Variants in CIITA observed in about 807,000 individuals in gnomAD.
The protein encoded by CIITA is MHC class II transactivator.
In CIITA, 72 loss-of-function variants were observed where a neutral mutation model predicts 115.1. That is an observed-to-expected ratio of 0.63 (90% CI 0.52 to 0.76). The LOEUF (loss-of-function observed/expected upper bound fraction) is 0.76. Among genes scored for constraint, CIITA ranks in the 30% least tolerant of loss-of-function variants. The pLI is 0.00. For missense variants in CIITA, 1,617 were observed against 1,463.8 expected (o/e 1.10, Z -1.71); for synonymous variants, 763 against 635.6 (o/e 1.20, Z -3.02).
intron 17 of CIITA, 23 bp from the exon 18 acceptor site, chr16:10,922,384 C>T: frequency 6.2e-7 from 1 of 1,614,140 alleles, no homozygotes; most frequent in Non-Finnish European, 8.5e-7. Flanking sequence ...GGGCCAGGCC[C>T]CAAGGTGAGT....
Position 10,902,170 on chromosome 16 carries a change from C to A in CIITA, c.614C>A (p.Thr205Asn), listed in dbSNP as rs200545141. Residue 205 changes from threonine (T) to asparagine (N), a missense_variant, in exon 7 of 20, where the codon ACC (threonine) becomes AAC (asparagine). Thr to Asn is a moderately conservative substitution (Grantham distance 65). Transcript: ENST00000324288. ...PASGQMRLEK[T>N]DQIPMPFSSS... is the part of the protein sequence containing the mutation. Reference sequence around the variant, plus strand: ...TCCGGCCAGATGCGCCTGGAGAAAACCGACCAGATTCCCAGTATGTTAGGG... The same window carrying A: ...TCCGGCCAGATGCGCCTGGAGAAAAACGACCAGATTCCCAGTATGTTAGGG... The A allele has an allele frequency of 1.5e-4, 240 of 1,614,054 alleles. No homozygotes were observed. Among genetic ancestry groups the A allele is most frequent in the Admixed American group, 2.0e-4 (12 of 60,010 alleles).
downstream of CIITA, chr16:10,936,573 T>C (rs1336797060): frequency 6.6e-6 from 1 of 152,268 alleles, no homozygotes; most frequent in Non-Finnish European, 1.5e-5. Context: ...GCAACTTTTC[T>C]GTAAGTGTGA....
At chr16:10,921,196 T>C (rs548302274) in intron 16 of CIITA, among the ~76,000 whole-genome samples, 4 of 152,380 alleles carry the variant, frequency 2.6e-5, no homozygotes, top group Admixed American at 2.6e-4. Context: ...AAGGGAGTTC[T>C]GAGGCTGAAT....
intron 8 of CIITA, among the ~76,000 whole-genome samples, chr16:10,903,388 GT>G (rs1365541248): frequency 6.6e-6 from 1 of 152,192 alleles, no homozygotes; most frequent in Non-Finnish European, 1.5e-5. Context: ...GACAGTTTCA[GT>G]ATAACGCACT....
upstream of CIITA, among the ~76,000 whole-genome samples, chr16:10,874,187 T>C (rs1235523847): frequency 6.6e-6 from 1 of 152,182 alleles, no homozygotes; most frequent in Non-Finnish European, 1.5e-5. Context: ...TTTCACCATG[T>C]TGGCCAGGCT....
intron 1 of CIITA, among the ~76,000 whole-genome samples, chr16:10,894,054 G>A (rs1262407569): frequency 9.9e-5 from 15 of 151,950 alleles, no homozygotes; most frequent in Admixed American, 9.8e-4. Context: ...CTTTTGCTAT[G>A]TTGCCCAGGC....
chr16:10,879,233 C>T lies in CIITA; in HGVS notation c.52+1851C>T, dbSNP rs2036157926. ...ACGACTCTGCGCGGGAACCAGGAGC[C>T]GGGAACCCGGAGCTTGGCTTGCTGT... On this transcript the variant is annotated intron_variant, in intron 1 of 19. Coordinates refer to ENST00000324288, the MANE Select transcript of CIITA (RefSeq NM_000246.4). This position sits in a 1 kb window ranked among gnomAD's most constrained non-coding sequence, Gnocchi z 4.3. 6.6e-6 allele frequency among the ~76,000 whole-genome samples: 1 copy of T among 152,186 alleles called. No individual in the cohort carries two copies. Among genetic ancestry groups the T allele is most frequent in the Admixed American group, 6.5e-5 (1 of 15,286 alleles).
intron 7 of CIITA, 90 bp from the exon 8 acceptor site, chr16:10,902,568 G>A (rs897759203): frequency 2.6e-6 from 4 of 1,541,990 alleles, no homozygotes; most frequent in East Asian, 2.3e-5. Context: ...GGCCCTTTAG[G>A]GGGGTCAGAC....
intron 3 of CIITA, 136 bp from the exon 4 acceptor site, chr16:10,898,534 C>T: frequency 1.8e-6 from 1 of 568,996 alleles, no homozygotes. Flanking sequence ...TTTGTTTGAT[C>T]ATTCATTCAT....
Position 10,923,329 on chromosome 16 carries a change from A to AC in CIITA, c.*22+6dup. 1.7e-6 allele frequency: 2 copies of AC among 1,163,704 alleles called. No individual in the cohort carries two copies. The highest frequency in any genetic ancestry group is 2.1e-4 in the Middle Eastern group (1 of 4,832). 72.1% of individuals were successfully genotyped at this position (1,163,704 alleles called of 1,614,324 possible). A position where few individuals can be genotyped will look rare whatever the true frequency, so the allele number is the denominator to read the frequency against. ...TCCCAGCTGTGCTCTGGACAGGGTA[A>AC]CCAGGGTGGGCTTGGGAGGGGAGAG... is the stretch of plus-strand genomic sequence containing the variant. On this transcript the variant is annotated splice_donor_region_variant and intron_variant, in intron 19 of 19. Coordinates refer to ENST00000324288, the MANE Select transcript of CIITA (RefSeq NM_000246.4). This position sits in a 1 kb window ranked among gnomAD's most constrained non-coding sequence, Gnocchi z 5.2.
upstream of CIITA, among the ~76,000 whole-genome samples, chr16:10,872,878 C>G (rs2035581202): frequency 6.6e-6 from 1 of 152,254 alleles, no homozygotes; most frequent in Non-Finnish European, 1.5e-5. Flanking sequence ...GAGGAATCTT[C>G]ATCCATTTGG....
intron 13 of CIITA, among the ~76,000 whole-genome samples, chr16:10,910,572 T>A (rs990976685): frequency 2.6e-5 from 4 of 152,180 alleles, no homozygotes; most frequent in Non-Finnish European, 4.4e-5. Flanking sequence ...AACTCCCCTC[T>A]GGAGGAGGTC....
chr16:10,921,511 T>C (rs903537554), intron 16 of CIITA, among the ~76,000 whole-genome samples: 2 of 152,178 alleles, frequency 1.3e-5, no homozygotes, highest in Non-Finnish European at 1.5e-5. Flanking sequence ...CCAAGGCATG[T>C]TCTAAATGTT....
In CIITA at chr16:10,883,235, G is replaced by C. The variant is rs546732915; in HGVS notation, c.52+5853G>C. 3.9e-5 allele frequency among the ~76,000 whole-genome samples: 6 copies of C among 152,336 alleles called. No homozygotes were observed. The East Asian group carries it at 7.7e-4, about 20-fold the overall frequency. ...ACCCCCTACCCCAGCACCAGGGTCA[G>C]GTTCCCTTCCAGGAAAAACTTGTTG... On this transcript the variant is annotated intron_variant, in intron 1 of 19. Transcript: ENST00000324288.
intron 1 of CIITA, among the ~76,000 whole-genome samples, chr16:10,868,250 A>C (rs1219838117): frequency 6.7e-6 from 1 of 148,746 alleles, no homozygotes; most frequent in African/African-American, 2.6e-5. Context: ...TTAAAGAAGA[A>C]AACAGACTCT....
intron 13 of CIITA, 125 bp downstream of exon 13, chr16:10,910,384 T>C: frequency 2.4e-6 from 2 of 846,996 alleles, no homozygotes; most frequent in Non-Finnish European, 3.9e-6. Flanking sequence ...CCCACCACTT[T>C]GGAAATAGCT....
At chr16:10,898,571 T>A in intron 3 of CIITA, 99 bp from the exon 4 acceptor site, 2 of 863,118 alleles carry the variant, frequency 2.3e-6, no homozygotes, top group Non-Finnish European at 1.8e-6. Flanking sequence ...GAGTCCCCAC[T>A]GTGTGCCAGG....
rs2041132217 is a variant in CIITA at position 10,942,756 on chromosome 16, G to A, written n.1882G>A. ...GCCGCAAAAGCCGAAGGAAACCCGG[G>A]CTACCGCTGCACCTTGCTGCATGCC... On this transcript the variant is annotated non_coding_transcript_exon_variant, in exon 2 of 2. Coordinates refer to the CIITA transcript ENST00000573379. The surrounding 1 kb of genome is among the most constrained non-coding windows in gnomAD (Gnocchi z 5.0). The A allele has an allele frequency of 6.6e-6, 1 of 152,300 alleles. No individual in the cohort carries two copies. The highest frequency in any genetic ancestry group is 1.5e-5 in the Non-Finnish European group (1 of 68,066). 9.4% of individuals were successfully genotyped at this position (152,300 alleles called of 1,614,324 possible). A position where few individuals can be genotyped will look rare whatever the true frequency, so the allele number is the denominator to read the frequency against.
rs1483501742 is a variant in CIITA at position 10,901,624 on chromosome 16, G to A, written c.481+66G>A. ...CCTTGGGGAGGGGATGGAAGAGATT[G>A]AACTCCTGGCCCAAGTCTGATGGGG... On this transcript the variant is annotated intron_variant, in intron 6 of 19. Coordinates refer to ENST00000324288, the MANE Select transcript of CIITA (RefSeq NM_000246.4). The surrounding 1 kb of genome is among the most constrained non-coding windows in gnomAD (Gnocchi z 6.8). 3.3e-6 allele frequency: 5 copies of A among 1,526,872 alleles called. No homozygotes were observed. The highest frequency in any genetic ancestry group is 1.1e-5 in the South Asian group (1 of 87,420). The allele number at this position is 1,526,872 out of a possible 1,614,324, so 94.6% of individuals were successfully genotyped here.
Sources: gnomAD v4.1 joint callset for allele counts (sites outside exome capture counted in the v4.1 genomes callset) on GRCh38, gnomAD v4.1.1 for gene constraint, Gnocchi (gnomAD v3.1) non-coding constraint, MANE v1.5 for transcripts, NCBI Gene and HGNC (gene_info 2026-07-23, HGNC 2026-07-21) for gene names.